The following TCF25 variants were observed in gnomAD, a reference collection of about 807,000 sequenced individuals.
TCF25 encodes TCF25 ribosome quality control complex subunit.
A neutral mutation model predicts 83.1 loss-of-function variants in TCF25; 41 were observed. The observed-to-expected ratio is 0.49, with a 90% CI of 0.38 to 0.64. TCF25 has a LOEUF of 0.64. TCF25 is among the 30% of genes least tolerant of loss of function. TCF25 has a pLI of 0.00. For missense variants in TCF25, 979 were observed against 914.5 expected, an observed-to-expected ratio of 1.07 and a Z score of -0.91; for synonymous variants, 458 against 365.0, an observed-to-expected ratio of 1.25 and a Z score of -2.90.
At chr16:89,879,020 T>C (rs1026090044) in intron 1 of TCF25, among the ~76,000 whole-genome samples, 7 of 152,240 alleles carry the variant, frequency 4.6e-5, no homozygotes, top group African/African-American at 1.7e-4. Context: ...AAATCATGTG[T>C]CATCACCAAA....
At chr16:89,906,999 G>A (rs947561493) in intron 15 of TCF25, among the ~76,000 whole-genome samples, 1 of 152,102 alleles carries the variant, frequency 6.6e-6, no homozygotes, top group Admixed American at 6.5e-5. Flanking sequence ...ACACTCTGGT[G>A]TGCAGGGCAG....
intron 7 of TCF25, 149 bp downstream of exon 7, chr16:89,894,007 C>T: frequency 2.6e-6 from 3 of 1,176,050 alleles, no homozygotes; most frequent in Non-Finnish European, 3.5e-6. Context: ...GCGGTCTGGC[C>T]CTGTGACCAG....
In TCF25 at chr16:89,873,792, A is replaced by C; in HGVS notation, c.125A>C (p.Glu42Ala). The C allele has an allele frequency of 6.3e-7, 1 of 1,599,270 alleles. No homozygotes were observed. The highest frequency in any genetic ancestry group is 2.3e-5 in the East Asian group (1 of 43,850). Reference protein sequence around the residue: ...DDAEEEGPKRELGVRRPGGAG... With the variant: ...DDAEEEGPKRALGVRRPGGAG... ...GCGGAAGAAGAAGGGCCCAAGCGGG[A>C]GCTTGGTGTCCGGCGTCCCGGGGGC... Residue 42 changes from glutamate to alanine, a missense_variant, in exon 1 of 18, where the codon GAG becomes GCG. Coordinates refer to ENST00000263346, the MANE Select transcript of TCF25 (RefSeq NM_014972.3).
chr16:89,893,701 C>T (rs2043604437), intron 6 of TCF25, 27 bp from the exon 7 acceptor site: 1 of 1,613,220 alleles, frequency 6.2e-7, no homozygotes, highest in South Asian at 1.1e-5. Flanking sequence ...TCCCGGCACA[C>T]CCTCCCTGAG....
At chr16:89,904,364 T>A in intron 13 of TCF25, 159 bp downstream of exon 13, 1 of 767,062 alleles carries the variant, frequency 1.3e-6, no homozygotes. Context: ...GGGACGGCTC[T>A]GGAGCCCTCA....
intron 5 of TCF25, among the ~76,000 whole-genome samples, chr16:89,888,062 T>C (rs1158410142): frequency 1.3e-5 from 2 of 151,648 alleles, no homozygotes; most frequent in Non-Finnish European, 2.9e-5. Flanking sequence ...AGTCAGGAGT[T>C]TGAGACCAGC....
At chr16:89,897,004 G>A (rs1181451014) in intron 9 of TCF25, among the ~76,000 whole-genome samples, 4 of 151,764 alleles carry the variant, frequency 2.6e-5, no homozygotes, top group Middle Eastern at 3.4e-3. Flanking sequence ...TCCAGCCTGG[G>A]CAGCAGAGTG....
At chr16:89,907,896 C>T (rs1274755921) in intron 16 of TCF25, among the ~76,000 whole-genome samples, 2 of 139,508 alleles carry the variant, frequency 1.4e-5, no homozygotes, top group East Asian at 2.2e-4. Flanking sequence ...TCCCAGCTCC[C>T]GCCTCCCACC....
chr16:89,903,195 T>C (rs8044906), intron 12 of TCF25, among the ~76,000 whole-genome samples: 36,465 of 152,246 alleles, frequency 0.24, 7,484 homozygotes, highest in African/African-American at 0.56. Flanking sequence ...TGAAGGCAGG[T>C]GGGCTGCCAA....
Position 89,873,775 on chromosome 16 carries a change from A to G in TCF25, c.108A>G (p.Glu36=), listed in dbSNP as rs750358832. 2 of 1,610,120 alleles carry G rather than the reference A, an allele frequency of 1.2e-6. No individual in the cohort carries two copies. Among genetic ancestry groups the G allele is most frequent in the East Asian group, 2.2e-5 (1 of 44,636 alleles). ...TCCGTGATGACGATGACGCGGAAGA[A>G]GAAGGGCCCAAGCGGGAGCTTGGTG... ...FDLRDDDDAE[E]EGPKRELGVR... The change falls in exon 1 of 18, where the codon GAA becomes GAG. Residue 36 remains glutamate (E), a synonymous_variant. Coordinates refer to ENST00000263346, the MANE Select transcript of TCF25 (RefSeq NM_014972.3).
In TCF25 at chr16:89,873,609, C is replaced by T; in HGVS notation, c.-59C>T. ...CGCGAAGAGTGCGCAGGCGCGCCGACAGCCGAGTTTTCTGCGCTTCCTTCT... is the reference window on the plus strand; with the variant it reads ...CGCGAAGAGTGCGCAGGCGCGCCGATAGCCGAGTTTTCTGCGCTTCCTTCT... On this transcript the variant is annotated 5_prime_UTR_variant, in exon 1 of 18. Coordinates refer to ENST00000263346, the MANE Select transcript of TCF25 (RefSeq NM_014972.3). 7.0e-7 allele frequency: 1 copy of T among 1,426,090 alleles called. No individual in the cohort carries two copies. The allele number at this position is 1,426,090 out of a possible 1,614,324, so 88.3% of individuals were successfully genotyped here.
chr16:89,896,107 G>A (rs762360163), intron 9 of TCF25, 24 bp downstream of exon 9: 1 of 1,607,584 alleles, frequency 6.2e-7, no homozygotes, highest in Non-Finnish European at 8.5e-7. Context: ...CCCTGGAGGT[G>A]ACGCAGCTCC....
chr16:89,898,167 C>G (rs1888096105), intron 9 of TCF25, among the ~76,000 whole-genome samples: 2 of 152,110 alleles, frequency 1.3e-5, no homozygotes, highest in South Asian at 4.1e-4. Context: ...TCGTGTATAA[C>G]TCTGTAAAGG....
In TCF25 at chr16:89,898,789, C is replaced by A; in HGVS notation, c.1138C>A (p.Leu380Ile). Residue 380 changes from leucine to isoleucine, a missense_variant, in exon 11 of 18, where the codon CTC (leucine) becomes ATC (isoleucine). Physicochemically the swap from Leu to Ile is conservative, Grantham distance 5. Transcript: ENST00000263346. The stretch of plus-strand genomic sequence containing the variant: ...AAGTCTCGAGCCGGATGAGGACCCC[C>A]TCTGCATGCTGCTGCTCATCGACCA... Reference protein sequence around the residue: ...ILSLEPDEDPLCMLLLIDHLA... With the variant: ...ILSLEPDEDPICMLLLIDHLA... 1 of 1,613,974 alleles carries A rather than the reference C, an allele frequency of 6.2e-7. No individual in the cohort carries two copies. Among genetic ancestry groups the A allele is most frequent in the Non-Finnish European group, 8.5e-7 (1 of 1,180,054 alleles).
At chr16:89,875,555 C>A (rs1597245228) in intron 1 of TCF25, among the ~76,000 whole-genome samples, 2 of 123,580 alleles carry the variant, frequency 1.6e-5, no homozygotes, top group Non-Finnish European at 3.2e-5. Flanking sequence ...TGGAGTCTCG[C>A]TCTGTCGCCC....
chr16:89,898,047 T>TGAGCC (rs1029423334), intron 9 of TCF25, among the ~76,000 whole-genome samples: 1 of 150,042 alleles, frequency 6.7e-6, no homozygotes, highest in Non-Finnish European at 1.5e-5. Context: ...GAGCTTGCAA[T>TGAGCC]GAGCCGAGCC....
chr16:89,888,741 A>T (rs1341183126), intron 5 of TCF25, among the ~76,000 whole-genome samples: 2 of 142,738 alleles, frequency 1.4e-5, no homozygotes, highest in Non-Finnish European at 3.0e-5. Flanking sequence ...CAGTGGTGTG[A>T]TCCTGGCTCA....
At chr16:89,890,259 C>T (rs1421142666) in intron 5 of TCF25, 1 of 152,350 alleles carries the variant, frequency 6.6e-6, no homozygotes, top group Non-Finnish European at 1.5e-5. Flanking sequence ...ATTTCCTCAC[C>T]CCAATGGTAG....
chr16:89,900,859 C>T, intron 12 of TCF25, 65 bp downstream of exon 12: 1 of 1,437,858 alleles, frequency 7.0e-7, no homozygotes. Flanking sequence ...GGCTGCTCTT[C>T]CTGGTGGTGG....
Sources: allele counts gnomAD v4.1 joint callset (sites outside exome capture counted in the v4.1 genomes callset), GRCh38; gene constraint gnomAD v4.1.1; transcripts MANE v1.5; gene names NCBI Gene and HGNC (gene_info 2026-07-23, HGNC 2026-07-21).